TCF4: variants seen among roughly 807,000 people sequenced by gnomAD.
TCF4 encodes the protein transcription factor 4.
In TCF4, 3 loss-of-function variants were observed where a neutral mutation model predicts 82.1. The observed-to-expected ratio is 0.04, with a 90% confidence interval of 0.02 to 0.09. The LOEUF (loss-of-function observed/expected upper bound fraction) is 0.09, where lower values mean the gene tolerates loss of function less well. TCF4 is among the 10% of genes least tolerant of loss of function. The pLI is 1.00. For missense variants in TCF4, 518 were observed against 852.7 expected, an observed-to-expected ratio of 0.61 and a Z score of 4.89; for synonymous variants, 276 against 309.6, an observed-to-expected ratio of 0.89 and a Z score of 1.14.
chr18:55,524,253 T>C (rs1165030588), intron 3 of TCF4, among the ~76,000 whole-genome samples: 1 of 152,092 alleles, frequency 6.6e-6, no homozygotes, highest in African/African-American at 2.4e-5. Flanking sequence ...GACTCAGATA[T>C]ATTGTTACTA....
chr18:55,277,536 C>G (rs1367360622), intron 9 of TCF4, among the ~76,000 whole-genome samples: 2 of 150,774 alleles, frequency 1.3e-5, no homozygotes, highest in Admixed American at 1.3e-4. Context: ...GCATAATGTT[C>G]TTTTGAAAGA....
At chr18:55,403,539 A>G (rs760615132) in intron 5 of TCF4, 21 bp from the exon 6 acceptor site, 2 of 1,613,812 alleles carry the variant, frequency 1.2e-6, no homozygotes, top group East Asian at 2.2e-5. Flanking sequence ...AAACGACAAA[A>G]AAGTGTAAAT....
intron 15 of TCF4, among the ~76,000 whole-genome samples, chr18:55,247,760 GT>G (rs1167302165): frequency 2.6e-5 from 4 of 152,146 alleles, no homozygotes; most frequent in Non-Finnish European, 5.9e-5. Flanking sequence ...AGATAGTGAT[GT>G]TTCGTCTAGA....
At position 55,275,594 on chromosome 18, in the gene TCF4, C is replaced by T. The variant is rs746722731; in HGVS notation, c.789+25G>A. Reference sequence around the variant, plus strand: ...GTTTAATCAACTAGCTGTGACATTCCCGTTACCGTGTATGTCTGCCTTACC... The same window carrying T: ...GTTTAATCAACTAGCTGTGACATTCTCGTTACCGTGTATGTCTGCCTTACC... On this transcript the variant is annotated intron_variant, in intron 10 of 19. Coordinates refer to ENST00000354452, the MANE Select transcript of TCF4 (RefSeq NM_001083962.2). The T allele has an allele frequency of 2.0e-5, 33 of 1,613,334 alleles. No homozygotes were observed. The African/African-American group carries it at 2.4e-4, about 12-fold the overall frequency.
intron 3 of TCF4, among the ~76,000 whole-genome samples, chr18:55,476,941 CTG>C (rs1395953172): frequency 6.6e-6 from 1 of 152,100 alleles, no homozygotes; most frequent in Admixed American, 6.5e-5. Context: ...GTGCATGTGC[CTG>C]TGTGTGTAAA....
intron 3 of TCF4, among the ~76,000 whole-genome samples, chr18:55,486,090 T>C (rs1171855406): frequency 6.6e-6 from 1 of 152,228 alleles, no homozygotes; most frequent in Non-Finnish European, 1.5e-5. Flanking sequence ...GGACAGAACC[T>C]TTCTGTTTGT....
intron 15 of TCF4, among the ~76,000 whole-genome samples, chr18:55,246,249 G>T (rs1032324271): frequency 6.6e-6 from 1 of 151,966 alleles, no homozygotes; most frequent in Non-Finnish European, 1.5e-5. Flanking sequence ...GTGTGTGTGT[G>T]TGTGTGTGTG....
At chr18:55,585,438 A>T (rs2097631888) in intron 2 of TCF4, 86 bp from the exon 3 acceptor site, 1 of 1,230,422 alleles carries the variant, frequency 8.1e-7, no homozygotes, top group Non-Finnish European at 1.2e-6. Flanking sequence ...CTGTTACCAA[A>T]CAGCTTAGAG....
chr18:55,354,743 C>T (rs553473783), intron 6 of TCF4, among the ~76,000 whole-genome samples: 27 of 152,060 alleles, frequency 1.8e-4, no homozygotes, highest in South Asian at 1.7e-3. Context: ...GATCAGAGTA[C>T]GATGAATACT....
intron 6 of TCF4, among the ~76,000 whole-genome samples, chr18:55,365,417 G>T (rs536281022): frequency 2.6e-5 from 4 of 151,532 alleles, no homozygotes; most frequent in African/African-American, 9.7e-5. Flanking sequence ...TGCCTGCATT[G>T]CTGTCGAGTG....
intron 5 of TCF4, among the ~76,000 whole-genome samples, chr18:55,405,896 T>C (rs1306460043): frequency 1.3e-5 from 2 of 152,176 alleles, no homozygotes; most frequent in Non-Finnish European, 2.9e-5. Flanking sequence ...ATTTTGCTTG[T>C]TAAAAAATAT....
chr18:55,553,588 T>A (rs2097278555), intron 3 of TCF4, among the ~76,000 whole-genome samples: 1 of 152,246 alleles, frequency 6.6e-6, no homozygotes, highest in Non-Finnish European at 1.5e-5. Flanking sequence ...TGTGTTTATG[T>A]ATTTACTCTC....
rs115738070 is a variant in TCF4 at position 55,297,689 on chromosome 18, C to T, written c.550-18033G>A. On this transcript the variant is annotated intron_variant, in intron 8 of 19. Transcript: ENST00000354452. ...TCAAGTGTGGTCTGATGGTTGTTTG[C>T]GTGCATTACAAATTATAATATAATT... Among the ~76,000 whole-genome samples, 504 of 151,872 alleles carry T rather than the reference C, an allele frequency of 3.3e-3. 3 individuals are homozygous for T. The highest frequency in any genetic ancestry group is 0.011 in the African/African-American group (471 of 41,404).
At chr18:55,594,271 T>C (rs1280197663) in intron 2 of TCF4, among the ~76,000 whole-genome samples, 1 of 152,214 alleles carries the variant, frequency 6.6e-6, no homozygotes, top group Non-Finnish European at 1.5e-5. Context: ...AAGTAAGTAC[T>C]CAATCGTATT....
intron 6 of TCF4, among the ~76,000 whole-genome samples, chr18:55,355,202 T>C (rs1296261901): frequency 2.0e-5 from 3 of 152,182 alleles, no homozygotes; most frequent in South Asian, 2.1e-4. Flanking sequence ...ATAAAACTTA[T>C]GAATGCAAAA....
At chr18:55,429,740 G>A (rs2095119134) in intron 5 of TCF4, among the ~76,000 whole-genome samples, 1 of 143,086 alleles carries the variant, frequency 7.0e-6, no homozygotes. Flanking sequence ...ACTCCAGCTT[G>A]GGGGACAGAG....
At chr18:55,576,548 A>T (rs936208144) in intron 3 of TCF4, among the ~76,000 whole-genome samples, 2 of 151,800 alleles carry the variant, frequency 1.3e-5, no homozygotes, top group Non-Finnish European at 2.9e-5. Context: ...TCTTTAATCT[A>T]CCCTTTCCAG....
chr18:55,431,862 CG>C (rs959236608), intron 5 of TCF4, among the ~76,000 whole-genome samples: 7 of 151,848 alleles, frequency 4.6e-5, no homozygotes, highest in African/African-American at 7.3e-5. Context: ...TAACTAATGT[CG>C]GGGGGGTCTT....
chr18:55,457,239 TATCAACCACTAAAA>T (rs1218726468), intron 5 of TCF4, among the ~76,000 whole-genome samples: 15 of 152,228 alleles, frequency 9.9e-5, no homozygotes, highest in African/African-American at 3.6e-4. Context: ...CACTTACAAG[TATCAACCACTAAAA>T]CCCTGTATGA....
Sources: allele counts gnomAD v4.1 joint callset (sites outside exome capture counted in the v4.1 genomes callset), GRCh38; gene constraint gnomAD v4.1.1; transcripts MANE v1.5; gene names NCBI Gene and HGNC (gene_info 2026-07-23, HGNC 2026-07-21).